PKP4: variants seen among roughly 807,000 people sequenced by gnomAD.
PKP4 encodes the protein plakophilin-4.
PKP4 carries 90 observed loss-of-function variants against 145.1 expected under a neutral mutation model. The ratio of observed to expected loss-of-function variants is 0.62; its 90% CI spans 0.52 to 0.74. PKP4 has a LOEUF of 0.74. Ranked by LOEUF, PKP4 falls within the 30% of genes least tolerant of loss-of-function variation. The pLI, the probability that PKP4 is intolerant of heterozygous loss-of-function variation, is 0.00. For missense variants in PKP4, 1,340 were observed against 1,482.7 expected, an observed-to-expected ratio of 0.90 and a Z score of 1.58; for synonymous variants, 563 against 577.2, an observed-to-expected ratio of 0.98 and a Z score of 0.35.
At chr2:158,608,398 A>G (rs148346261) in intron 4 of PKP4, among the ~76,000 whole-genome samples, 23 of 152,318 alleles carry the variant, frequency 1.5e-4, no homozygotes, top group African/African-American at 5.3e-4. Context: ...TTGTCCAAAT[A>G]GCTCCTCAAG....
chr2:158,486,790 A>G (rs549554679), intron 1 of PKP4, among the ~76,000 whole-genome samples: 6 of 152,360 alleles, frequency 3.9e-5, no homozygotes, highest in African/African-American at 1.2e-4. Flanking sequence ...ACTGAAAGTC[A>G]TTCTCCCTTG....
chr2:158,553,560 G>T (rs998117859), intron 2 of PKP4, among the ~76,000 whole-genome samples: 5 of 152,306 alleles, frequency 3.3e-5, no homozygotes, highest in Non-Finnish European at 7.4e-5. Context: ...ACAGTGCTCA[G>T]TTGCAAATAT....
chr2:158,638,831 G>A (rs906125778), intron 9 of PKP4, among the ~76,000 whole-genome samples: 3 of 152,172 alleles, frequency 2.0e-5, no homozygotes, highest in African/African-American at 4.8e-5. Context: ...AGTCTATTTC[G>A]TTTCAAGCAG....
chr2:158,464,323 T>A (rs1001237507), intron 1 of PKP4, among the ~76,000 whole-genome samples: 1 of 152,220 alleles, frequency 6.6e-6, no homozygotes, highest in Non-Finnish European at 1.5e-5. Flanking sequence ...AATTTTTACA[T>A]ATAGACAATC....
chr2:158,549,101 C>T (rs1191554080), intron 2 of PKP4: 1 of 198,634 alleles, frequency 5.0e-6, no homozygotes, highest in African/African-American at 2.3e-5. Context: ...GGACCAATTA[C>T]AATGATAGAT....
chr2:158,609,475 T>A (rs1172483874), intron 4 of PKP4, among the ~76,000 whole-genome samples: 1 of 152,220 alleles, frequency 6.6e-6, no homozygotes. Flanking sequence ...TTATCCTCAT[T>A]TATTTTTATA....
chr2:158,475,935 G>A (rs532440010), intron 1 of PKP4, among the ~76,000 whole-genome samples: 1 of 152,146 alleles, frequency 6.6e-6, no homozygotes, highest in African/African-American at 2.4e-5. Flanking sequence ...CTCTAATAGG[G>A]ACAGTCCACA....
In PKP4 at chr2:158,476,511, TC is replaced by T. The variant is rs960900439; in HGVS notation, c.-6+19294del. Among the ~76,000 whole-genome samples the T allele has an allele frequency of 2.3e-3, 351 of 151,720 alleles. 3 individuals are homozygous for T. The highest frequency in any genetic ancestry group is 8.2e-3 in the African/African-American group (341 of 41,366). ...CTGCCTGGCTAATTTTTTATTTTTTTCTAGAGACAGAATTTCGCTGTGTTGC... is the reference window on the plus strand; with the variant it reads ...CTGCCTGGCTAATTTTTTATTTTTTTTAGAGACAGAATTTCGCTGTGTTGC... On this transcript the variant is annotated intron_variant, in intron 1 of 21. Coordinates refer to ENST00000389759, the MANE Select transcript of PKP4 (RefSeq NM_003628.6).
chr2:158,675,939 G>T (rs1318021438), intron 19 of PKP4, among the ~76,000 whole-genome samples: 1 of 152,084 alleles, frequency 6.6e-6, no homozygotes, highest in East Asian at 1.9e-4. Context: ...TAACTTTAGG[G>T]GAAGCAAGAT....
intron 2 of PKP4, among the ~76,000 whole-genome samples, chr2:158,540,301 A>G (rs1322291102): frequency 6.6e-6 from 1 of 152,194 alleles, no homozygotes; most frequent in Non-Finnish European, 1.5e-5. Flanking sequence ...GTGGCTGTTC[A>G]CACATAACTG....
At chr2:158,643,019 A>G (rs1203181636) in intron 11 of PKP4, among the ~76,000 whole-genome samples, 2 of 152,216 alleles carry the variant, frequency 1.3e-5, no homozygotes, top group African/African-American at 2.4e-5. Flanking sequence ...TAAATAGACT[A>G]TCCTATATTA....
At chr2:158,522,731 C>G (rs1433786033) in intron 1 of PKP4, among the ~76,000 whole-genome samples, 1 of 152,064 alleles carries the variant, frequency 6.6e-6, no homozygotes, top group Non-Finnish European at 1.5e-5. Context: ...GGGTTCATCT[C>G]ACTAGGGAGT....
intron 7 of PKP4, among the ~76,000 whole-genome samples, chr2:158,628,153 G>A (rs2053000620): frequency 6.6e-6 from 1 of 151,678 alleles, no homozygotes. Flanking sequence ...GCTAATTTTT[G>A]TATTTTTAGT....
chr2:158,597,771 A>AT (rs2049885528), intron 3 of PKP4, among the ~76,000 whole-genome samples: 1 of 152,166 alleles, frequency 6.6e-6, no homozygotes. Context: ...TTCATATATA[A>AT]ATATACATGT....
At position 158,522,800 on chromosome 2, in the gene PKP4, G is replaced by A. The variant is rs554901345; in HGVS notation, c.-5-10380G>A. On this transcript the variant is annotated intron_variant, in intron 1 of 21. Coordinates refer to ENST00000389759, the MANE Select transcript of PKP4 (RefSeq NM_003628.6). ...CACCGTGCGCGAGCCAAAGCAGGGC[G>A]AGGCATTGCCTCACCTGGGAAGCGC... Among the ~76,000 whole-genome samples, 1,355 of 152,326 alleles carry A rather than the reference G, an allele frequency of 8.9e-3. 20 individuals are homozygous for A. The highest frequency in any genetic ancestry group is 0.03 in the African/African-American group (1,240 of 41,580).
chr2:158,633,976 A>ATATAAAT, intron 8 of PKP4, 94 bp from the exon 9 acceptor site: 1 of 701,822 alleles, frequency 1.4e-6, no homozygotes, highest in Non-Finnish European at 2.4e-6. Context: ...ATTGCCAAAA[A>ATATAAAT]ATATAGTCCT....
rs2047750485 is a variant in PKP4 at position 158,575,275 on chromosome 2, G to A, written c.133-1996G>A. Among the ~76,000 whole-genome samples, 4 of 152,176 alleles carry A rather than the reference G, an allele frequency of 2.6e-5. No homozygotes were observed. The South Asian group carries it at 8.3e-4, about 32-fold the overall frequency. On this transcript the variant is annotated intron_variant, in intron 2 of 21. Coordinates refer to ENST00000389759, the MANE Select transcript of PKP4 (RefSeq NM_003628.6). ...GAGAGAGAAAACAAGTGTCCTCTTTGCTGGAGTCAGAGTCTCAGTGTCAGC... is the reference window on the plus strand; with the variant it reads ...GAGAGAGAAAACAAGTGTCCTCTTTACTGGAGTCAGAGTCTCAGTGTCAGC...
At chr2:158,647,773 A>G (rs1309483542) in intron 11 of PKP4, among the ~76,000 whole-genome samples, 2 of 152,148 alleles carry the variant, frequency 1.3e-5, no homozygotes, top group Non-Finnish European at 2.9e-5. Flanking sequence ...TTATTCCAAA[A>G]GTATTTTTTG....
At position 158,673,925 on chromosome 2, in the gene PKP4, T is replaced by C. The variant is rs745617181; in HGVS notation, c.3052T>C (p.Leu1018=). 3.9e-5 allele frequency: 63 copies of C among 1,613,318 alleles called. No individual in the cohort carries two copies. The East Asian group carries it at 6.0e-4, about 15-fold the overall frequency. ...CCATTTTATTACACCTGTGTCGACATTGGAGCGAGACCGATTCAAATCACA... is the reference window on the plus strand; with the variant it reads ...CCATTTTATTACACCTGTGTCGACACTGGAGCGAGACCGATTCAAATCACA... ...QNHFITPVST[L]ERDRFKSHPS... Residue 1018 remains leucine, a synonymous_variant, in exon 19 of 22, where the codon TTG becomes CTG. Coordinates refer to ENST00000389759, the MANE Select transcript of PKP4 (RefSeq NM_003628.6).
Sources: allele counts gnomAD v4.1 joint callset (sites outside exome capture counted in the v4.1 genomes callset), GRCh38; gene constraint gnomAD v4.1.1; transcripts MANE v1.5; gene names NCBI Gene and HGNC (gene_info 2026-07-23, HGNC 2026-07-21).